The following TSPAN5 variants were observed in gnomAD, a reference collection of about 807,000 sequenced individuals.
TSPAN5 encodes tetraspanin 5.
A neutral mutation model predicts 37.1 loss-of-function variants in TSPAN5; 10 were observed. That is an observed-to-expected ratio of 0.27 (90% CI 0.17 to 0.46). The LOEUF (loss-of-function observed/expected upper bound fraction) is 0.46, where lower values mean the gene tolerates loss of function less well. TSPAN5 is among the 20% of genes least tolerant of loss of function. The probability of loss-of-function intolerance (pLI) is 1.00; values close to 1 mark genes in which losing one functional copy is unlikely to be tolerated. For missense variants in TSPAN5, 195 were observed against 326.6 expected (o/e 0.60, Z 3.11); for synonymous variants, 110 against 118.9 (o/e 0.93, Z 0.48).
At chr4:98,608,401 A>G (rs767109161) in intron 1 of TSPAN5, among the ~76,000 whole-genome samples, 7 of 152,208 alleles carry the variant, frequency 4.6e-5, no homozygotes, top group Non-Finnish European at 1.0e-4. Flanking sequence ...TTCTTGCTAC[A>G]GAAATGGCAG....
intron 1 of TSPAN5, among the ~76,000 whole-genome samples, chr4:98,592,807 T>G (rs964462143): frequency 4.0e-5 from 6 of 151,090 alleles, no homozygotes; most frequent in Non-Finnish European, 8.9e-5. Context: ...ATGGTGTATA[T>G]GTGCCACATT....
At chr4:98,555,951 T>G (rs17027701) in intron 1 of TSPAN5, among the ~76,000 whole-genome samples, 22 of 150,890 alleles carry the variant, frequency 1.5e-4, no homozygotes, top group Non-Finnish European at 2.6e-4. Context: ...GCAAAAAGAC[T>G]GAAAAATCAC....
At chr4:98,583,448 T>C (rs985551311) in intron 1 of TSPAN5, among the ~76,000 whole-genome samples, 16 of 152,048 alleles carry the variant, frequency 1.1e-4, no homozygotes, top group African/African-American at 3.6e-4. Context: ...GGTGTGATTG[T>C]TCCCCTCTAT....
rs1374607371 is a variant in TSPAN5 at position 98,644,736 on chromosome 4, G to T, written c.81+13410C>A. 2.0e-5 allele frequency among the ~76,000 whole-genome samples: 3 copies of T among 152,118 alleles called. No homozygotes were observed. In the East Asian group the frequency reaches 5.8e-4, roughly 29 times the overall value. ...AGAGGAGGAAGCCCACTGAGATACA[G>T]TTCCTAAGCATTTAAAGTTGACTTC... is the stretch of plus-strand genomic sequence containing the variant. On this transcript the variant is annotated intron_variant, in intron 1 of 7. Coordinates refer to ENST00000305798, the MANE Select transcript of TSPAN5 (RefSeq NM_005723.4).
At chr4:98,646,339 C>G (rs1757069393) in intron 1 of TSPAN5, among the ~76,000 whole-genome samples, 1 of 152,036 alleles carries the variant, frequency 6.6e-6, no homozygotes, top group Non-Finnish European at 1.5e-5. Context: ...AAAAAATGAC[C>G]AAAATATGCA....
intron 2 of TSPAN5, among the ~76,000 whole-genome samples, chr4:98,489,627 C>A (rs1753043532): frequency 6.6e-6 from 1 of 152,216 alleles, no homozygotes; most frequent in South Asian, 2.1e-4. Context: ...CTGACTTCCA[C>A]CCCTCCGGAT....
chr4:98,531,752 C>T (rs1193400405), intron 1 of TSPAN5, among the ~76,000 whole-genome samples: 1 of 152,134 alleles, frequency 6.6e-6, no homozygotes, highest in African/African-American at 2.4e-5. Context: ...TTAATGATCG[C>T]CATTCTAACT....
At chr4:98,653,970 C>A (rs1757247171) in intron 1 of TSPAN5, among the ~76,000 whole-genome samples, 1 of 152,190 alleles carries the variant, frequency 6.6e-6, no homozygotes, top group Non-Finnish European at 1.5e-5. Context: ...ATAAAAGTGG[C>A]ACTGCCAGTT....
intron 1 of TSPAN5, among the ~76,000 whole-genome samples, chr4:98,637,954 C>T (rs1298930320): frequency 2.0e-5 from 3 of 152,156 alleles, no homozygotes; most frequent in Non-Finnish European, 4.4e-5. Flanking sequence ...AATTATCTGC[C>T]TCAGTCCAAT....
At chr4:98,502,921 G>A (rs954478066) in intron 2 of TSPAN5, among the ~76,000 whole-genome samples, 1 of 151,508 alleles carries the variant, frequency 6.6e-6, no homozygotes, top group East Asian at 1.9e-4. Context: ...GCATCGCAGT[G>A]TCTATCCTGG....
At chr4:98,533,375 G>T (rs1277764484) in intron 1 of TSPAN5, among the ~76,000 whole-genome samples, 1 of 151,734 alleles carries the variant, frequency 6.6e-6, no homozygotes, top group African/African-American at 2.4e-5. Flanking sequence ...CTTGTTATTG[G>T]TCTATTCAGG....
At chr4:98,486,361 C>G (rs1384982887) in intron 3 of TSPAN5, among the ~76,000 whole-genome samples, 2 of 152,196 alleles carry the variant, frequency 1.3e-5, no homozygotes, top group Non-Finnish European at 2.9e-5. Flanking sequence ...CCTGGTTTCT[C>G]CAAACCAACA....
intron 1 of TSPAN5, among the ~76,000 whole-genome samples, chr4:98,579,183 C>A (rs1755313743): frequency 6.6e-6 from 1 of 152,124 alleles, no homozygotes; most frequent in Non-Finnish European, 1.5e-5. Flanking sequence ...CATCCTCCAC[C>A]CCCAAGAGCC....
At chr4:98,583,035 T>C (rs1755405413) in intron 1 of TSPAN5, among the ~76,000 whole-genome samples, 1 of 152,162 alleles carries the variant, frequency 6.6e-6, no homozygotes, top group South Asian at 2.1e-4. Context: ...AACGTTGTAT[T>C]TATCCATACA....
intron 1 of TSPAN5, among the ~76,000 whole-genome samples, chr4:98,513,720 A>G (rs1465119313): frequency 6.6e-6 from 1 of 152,118 alleles, no homozygotes; most frequent in Non-Finnish European, 1.5e-5. Flanking sequence ...CTTCTGAAGG[A>G]CAGTTTTCTT....
chr4:98,653,182 T>C (rs1428507893), intron 1 of TSPAN5, among the ~76,000 whole-genome samples: 1 of 152,206 alleles, frequency 6.6e-6, no homozygotes, highest in African/African-American at 2.4e-5. Flanking sequence ...TATAAACTGC[T>C]GATGTATCAT....
rs186452107 is a variant in TSPAN5 at position 98,603,462 on chromosome 4, T to G, written c.81+54684A>C. 5.3e-5 allele frequency among the ~76,000 whole-genome samples: 8 copies of G among 152,356 alleles called. No individual in the cohort carries two copies. In the East Asian group the frequency reaches 1.5e-3, roughly 29 times the overall value. On this transcript the variant is annotated intron_variant, in intron 1 of 7. Coordinates refer to ENST00000305798, the MANE Select transcript of TSPAN5 (RefSeq NM_005723.4). ...AAACAAATCTGTTGTCAATACATTT[T>G]GAGGCTAATACCATGATTAGTTGGC... is the stretch of plus-strand genomic sequence containing the variant.
At chr4:98,521,703 C>T (rs921068366) in intron 1 of TSPAN5, among the ~76,000 whole-genome samples, 7 of 152,332 alleles carry the variant, frequency 4.6e-5, no homozygotes, top group Non-Finnish European at 1.0e-4. Flanking sequence ...CTTCAGCTTG[C>T]CCTGTGGGAT....
At chr4:98,639,362 G>C (rs1756918836) in intron 1 of TSPAN5, among the ~76,000 whole-genome samples, 1 of 152,170 alleles carries the variant, frequency 6.6e-6, no homozygotes, top group South Asian at 2.1e-4. Flanking sequence ...CTGTCGCCCA[G>C]GCCAGAGTGC....
Sources: allele counts gnomAD v4.1 joint callset (sites outside exome capture counted in the v4.1 genomes callset), GRCh38; gene constraint gnomAD v4.1.1; transcripts MANE v1.5; gene names NCBI Gene and HGNC (gene_info 2026-07-23, HGNC 2026-07-21).